PPP1R14C: variants seen among roughly 807,000 people sequenced by gnomAD.
PPP1R14C encodes the protein protein phosphatase 1 regulatory inhibitor subunit 14C.
Under a neutral mutation model 20.4 loss-of-function variants are expected in PPP1R14C, and 16 were observed. That is an observed-to-expected ratio of 0.78 (90% CI 0.53 to 1.19). PPP1R14C has a LOEUF of 1.19. PPP1R14C is among the 50% of genes most tolerant of loss of function. The pLI is 0.00. For missense variants in PPP1R14C, 211 were observed against 220.1 expected, an observed-to-expected ratio of 0.96 and a Z score of 0.26; for synonymous variants, 91 against 91.0, an observed-to-expected ratio of 1.00 and a Z score of 0.00.
intron 3 of PPP1R14C, among the ~76,000 whole-genome samples, chr6:150,221,129 G>T (rs1310855518): frequency 1.2e-4 from 18 of 152,198 alleles, no homozygotes; most frequent in Admixed American, 1.2e-3. Flanking sequence ...ATGATCACAG[G>T]AAACAGATTT....
chr6:150,164,732 C>A lies in PPP1R14C; in HGVS notation c.306+21234C>A, dbSNP rs149428139. On this transcript the variant is annotated intron_variant, in intron 1 of 3. Transcript: ENST00000361131. ...GACCCAGCACCATTCATTTAAAGAT[C>A]ATCTTCCCTCACTACACTGTAGTTA... 3.3e-3 allele frequency: 514 copies of A among 155,088 alleles called. 5 individuals are homozygous for A. Among genetic ancestry groups the A allele is most frequent in the African/African-American group, 0.012 (492 of 41,706 alleles). 9.6% of individuals were successfully genotyped at this position (155,088 alleles called of 1,614,324 possible).
chr6:150,195,457 C>T (rs1777792523), intron 1 of PPP1R14C, among the ~76,000 whole-genome samples: 1 of 152,170 alleles, frequency 6.6e-6, no homozygotes, highest in South Asian at 2.1e-4. Context: ...AAGCTATCCT[C>T]CCACCTCAGC....
At chr6:150,174,063 T>C (rs1183136112) in intron 1 of PPP1R14C, among the ~76,000 whole-genome samples, 7 of 133,796 alleles carry the variant, frequency 5.2e-5, no homozygotes, top group African/African-American at 1.9e-4. Flanking sequence ...AAATAATAAT[T>C]ATATATACTT....
At chr6:150,206,661 C>A (rs1344519506) in intron 1 of PPP1R14C, among the ~76,000 whole-genome samples, 1 of 152,170 alleles carries the variant, frequency 6.6e-6, no homozygotes, top group Non-Finnish European at 1.5e-5. Flanking sequence ...GGGAGCTCTC[C>A]TCTCTGCCGC....
chr6:150,228,289 G>T (rs116001011), intron 3 of PPP1R14C, among the ~76,000 whole-genome samples: 13 of 152,278 alleles, frequency 8.5e-5, no homozygotes, highest in African/African-American at 3.1e-4. Context: ...CCAATCACAA[G>T]TTCACACGTC....
At chr6:150,174,871 CA>C (rs1777544056) in intron 1 of PPP1R14C, among the ~76,000 whole-genome samples, 1 of 151,138 alleles carries the variant, frequency 6.6e-6, no homozygotes, top group Non-Finnish European at 1.5e-5. Context: ...GAAGCTGAGA[CA>C]GGAGAATTGC....
chr6:150,147,879 C>T (rs114634021), intron 1 of PPP1R14C, among the ~76,000 whole-genome samples: 131 of 152,222 alleles, frequency 8.6e-4, no homozygotes, highest in African/African-American at 3.0e-3. Context: ...GGTGGTGACA[C>T]AGAAAGAAAT....
At chr6:150,223,092 A>G (rs765315291) in intron 3 of PPP1R14C, among the ~76,000 whole-genome samples, 16 of 152,138 alleles carry the variant, frequency 1.1e-4, no homozygotes, top group Non-Finnish European at 2.1e-4. Flanking sequence ...AAAAAATGTG[A>G]TGTCAACATT....
intron 1 of PPP1R14C, among the ~76,000 whole-genome samples, chr6:150,211,669 T>C (rs1345961101): frequency 6.6e-6 from 1 of 152,194 alleles, no homozygotes; most frequent in Non-Finnish European, 1.5e-5. Flanking sequence ...TAAGTACCAA[T>C]TTACAGGATT....
At chr6:150,237,148 G>A (rs1778371457) in intron 3 of PPP1R14C, among the ~76,000 whole-genome samples, 1 of 152,006 alleles carries the variant, frequency 6.6e-6, no homozygotes, top group African/African-American at 2.4e-5. Context: ...AATGGGCGGG[G>A]GTGGGGCAGG....
chr6:150,146,865 T>C (rs879714892), intron 1 of PPP1R14C, among the ~76,000 whole-genome samples: 4 of 152,060 alleles, frequency 2.6e-5, no homozygotes, highest in African/African-American at 7.2e-5. Flanking sequence ...ATGGCAGGAG[T>C]GGGGCCCGGA....
At chr6:150,174,569 C>T (rs1777539989) in intron 1 of PPP1R14C, among the ~76,000 whole-genome samples, 1 of 151,898 alleles carries the variant, frequency 6.6e-6, no homozygotes, top group Admixed American at 6.6e-5. Flanking sequence ...AGGGTAGGAA[C>T]ATTGGCTTAT....
Position 150,185,753 on chromosome 6 carries a change from C to T in PPP1R14C, c.307-28991C>T, listed in dbSNP as rs968391239. On this transcript the variant is annotated intron_variant, in intron 1 of 3. Transcript: ENST00000361131. The surrounding 1 kb of genome is among the most constrained non-coding windows in gnomAD (Gnocchi z 4.1). ...GACCCAAACTTTCAGTGGCTTAAAC[C>T]GAGCAAGTCATATTCTCACTCGTGC... Among the ~76,000 whole-genome samples, 1 of 152,056 alleles carries T rather than the reference C, an allele frequency of 6.6e-6. No individual in the cohort carries two copies. Among genetic ancestry groups the T allele is most frequent in the African/African-American group, 2.4e-5 (1 of 41,384 alleles).
chr6:150,226,711 T>G (rs1422962663), intron 3 of PPP1R14C, among the ~76,000 whole-genome samples: 1 of 152,222 alleles, frequency 6.6e-6, no homozygotes, highest in African/African-American at 2.4e-5. Flanking sequence ...GCATTTATTT[T>G]TTTTTTGAAC....
Position 150,167,997 on chromosome 6 carries a change from TCCC to T in PPP1R14C, c.306+24502_306+24504del, listed in dbSNP as rs1159927958. Among the ~76,000 whole-genome samples the T allele has an allele frequency of 1.6e-3, 5 of 3,092 alleles. 1 individual carries two copies. The highest frequency in any genetic ancestry group is 0.02 in the South Asian group (1 of 50). 2.0% of individuals were successfully genotyped at this position (3,092 alleles called of 152,430 possible). On this transcript the variant is annotated intron_variant, in intron 1 of 3. Transcript: ENST00000361131. ...CTCCTTCTCTCCTCCCCTCTTCCTCTCCCCCTTGCTTTCCTCCCACCCTTTCTG... is the reference window on the plus strand; with the variant it reads ...CTCCTTCTCTCCTCCCCTCTTCCTCTCCTTGCTTTCCTCCCACCCTTTCTG...
At chr6:150,197,273 C>T (rs1777816528) in intron 1 of PPP1R14C, among the ~76,000 whole-genome samples, 2 of 152,222 alleles carry the variant, frequency 1.3e-5, no homozygotes. Flanking sequence ...TGCGGCACTT[C>T]CCTGCACCTG....
At chr6:150,171,658 TTC>T (rs1253178711) in intron 1 of PPP1R14C, among the ~76,000 whole-genome samples, 1 of 152,250 alleles carries the variant, frequency 6.6e-6, no homozygotes, top group African/African-American at 2.4e-5. Context: ...TCTAATTTTA[TTC>T]TCATGCAAAC....
In PPP1R14C at chr6:150,143,537, T is replaced by A; in HGVS notation, c.306+39T>A. ...GGGCTGGGAGGGTCGGGGACCTCTCTAGCTCCTCTGTGCCCGCGCAGTAAT... is the reference window on the plus strand; with the variant it reads ...GGGCTGGGAGGGTCGGGGACCTCTCAAGCTCCTCTGTGCCCGCGCAGTAAT... On this transcript the variant is annotated intron_variant, in intron 1 of 3. Coordinates refer to ENST00000361131, the MANE Select transcript of PPP1R14C (RefSeq NM_030949.3). The surrounding 1 kb of genome is among the most constrained non-coding windows in gnomAD (Gnocchi z 5.6). The A allele has an allele frequency of 1.5e-6, 2 of 1,348,758 alleles. No individual in the cohort carries two copies. Among genetic ancestry groups the A allele is most frequent in the Non-Finnish European group, 2.0e-6 (2 of 975,892 alleles). 83.5% of individuals were successfully genotyped at this position (1,348,758 alleles called of 1,614,324 possible).
intron 1 of PPP1R14C, among the ~76,000 whole-genome samples, chr6:150,168,380 C>CAAAA (rs1777457375): frequency 6.6e-6 from 1 of 151,828 alleles, no homozygotes; most frequent in Non-Finnish European, 1.5e-5. Flanking sequence ...ACTAAAAATA[C>CAAAA]AGATTACCTG....
Sources: allele counts gnomAD v4.1 joint callset (sites outside exome capture counted in the v4.1 genomes callset), GRCh38; gene constraint gnomAD v4.1.1; non-coding constraint Gnocchi (gnomAD v3.1); transcripts MANE v1.5; gene names NCBI Gene and HGNC (gene_info 2026-07-23, HGNC 2026-07-21).